Variants in SLC6A20 observed in about 807,000 individuals in gnomAD.
The protein encoded by SLC6A20 is solute carrier family 6 member 20, also known as sodium- and chloride-dependent transporter XTRP3.
Under a neutral mutation model 64.3 loss-of-function variants are expected in SLC6A20, and 73 were observed. The observed-to-expected ratio is 1.14, with a 90% confidence interval of 0.94 to 1.38. The LOEUF (loss-of-function observed/expected upper bound fraction) is 1.38, where lower values mean the gene tolerates loss of function less well. Among genes scored for constraint, SLC6A20 ranks in the 40% most tolerant of loss-of-function variants. The probability of loss-of-function intolerance (pLI) is 0.00; values close to 1 mark genes in which losing one functional copy is unlikely to be tolerated. For synonymous variants in SLC6A20, 347 were observed against 329.6 expected (o/e 1.05, Z -0.57); for missense variants, 725 against 772.8 (o/e 0.94, Z 0.73).
chr3:45,782,047 C>A (rs2125652212), intron 2 of SLC6A20, 36 bp downstream of exon 2: 1 of 1,557,240 alleles, frequency 6.4e-7, no homozygotes, highest in East Asian at 2.3e-5. Context: ...CTGCCCGGGT[C>A]TCTGGGTGGG....
chr3:45,783,385 T>A (rs572825273), intron 1 of SLC6A20, among the ~76,000 whole-genome samples: 2 of 152,342 alleles, frequency 1.3e-5, no homozygotes, highest in African/African-American at 4.8e-5. Context: ...ATCTAATATT[T>A]ACCAAAAATG....
intron 2 of SLC6A20, among the ~76,000 whole-genome samples, chr3:45,780,843 T>C (rs1700072686): frequency 6.6e-6 from 1 of 152,136 alleles, no homozygotes; most frequent in South Asian, 2.1e-4. Context: ...GCAAATGCTA[T>C]AAACCAGGGC....
chr3:45,758,314 G>T lies in SLC6A20; in HGVS notation c.*664C>A. ...AGGGATGTCTGCACAGACTTCTAAT[G>T]TGGTTTGGGGTTGCAAACTGTAGTT... On this transcript the variant is annotated 3_prime_UTR_variant, in exon 11 of 11. Transcript: ENST00000358525. 1 of 609,184 alleles carries T rather than the reference G, an allele frequency of 1.6e-6. No individual in the cohort carries two copies. Among genetic ancestry groups the T allele is most frequent in the Non-Finnish European group, 2.5e-6 (1 of 392,964 alleles). 37.7% of individuals were successfully genotyped at this position (609,184 alleles called of 1,614,324 possible).
At chr3:45,762,645 G>T (rs1234550708) in intron 9 of SLC6A20, among the ~76,000 whole-genome samples, 1 of 152,226 alleles carries the variant, frequency 6.6e-6, no homozygotes, top group Non-Finnish European at 1.5e-5. Flanking sequence ...TAAGCTGTGG[G>T]GGTCCAGCAG....
chr3:45,767,865 A>C (rs1699800721), intron 7 of SLC6A20, among the ~76,000 whole-genome samples: 1 of 152,266 alleles, frequency 6.6e-6, no homozygotes, highest in African/African-American at 2.4e-5. Context: ...CATGGCAAAC[A>C]TCTTCAAAGT....
At chr3:45,777,010 G>A (rs1474481692) in intron 3 of SLC6A20, among the ~76,000 whole-genome samples, 2 of 152,148 alleles carry the variant, frequency 1.3e-5, no homozygotes, top group Admixed American at 6.5e-5. Context: ...GGGAGGGGAG[G>A]AAAAGTTACT....
intron 1 of SLC6A20, among the ~76,000 whole-genome samples, chr3:45,783,060 C>T (rs900444054): frequency 3.9e-5 from 6 of 152,248 alleles, no homozygotes; most frequent in African/African-American, 1.2e-4. Context: ...CCTGATGGTG[C>T]TCCACATGAG....
rs1313582923 is a variant in SLC6A20, at chr3:45,771,129, G to A, written c.935+88C>T. The A allele has an allele frequency of 5.7e-6, 9 of 1,569,742 alleles. 1 individual carries two copies. In the African/African-American group the frequency reaches 6.8e-5, roughly 12 times the overall value. On this transcript the variant is annotated intron_variant, in intron 6 of 10. Transcript: ENST00000358525. ...GCCCTGGATTGAGGACTCCAAAACT[G>A]GTGCACTTTGCCCCAGCCCTTGCCC...
intron 7 of SLC6A20, among the ~76,000 whole-genome samples, chr3:45,766,749 T>C (rs567941409): frequency 7.9e-5 from 12 of 152,176 alleles, no homozygotes; most frequent in Non-Finnish European, 1.0e-4. Flanking sequence ...AGTGAGAAGA[T>C]AGGTGTTCAC....
intron 4 of SLC6A20, among the ~76,000 whole-genome samples, chr3:45,775,429 C>G (rs946997917): frequency 1.3e-5 from 2 of 152,024 alleles, no homozygotes; most frequent in African/African-American, 2.4e-5. Context: ...AGGATACATA[C>G]AATCTTAAAG....
chr3:45,792,086 G>C (rs1700262988), intron 1 of SLC6A20, among the ~76,000 whole-genome samples: 1 of 152,214 alleles, frequency 6.6e-6, no homozygotes. Context: ...GGTTAGAACA[G>C]AAGGGACAAG....
At chr3:45,769,591 A>C (rs1006792097) in intron 7 of SLC6A20, among the ~76,000 whole-genome samples, 10 of 151,934 alleles carry the variant, frequency 6.6e-5, no homozygotes, top group African/African-American at 2.4e-4. Context: ...CACATGTATT[A>C]TTATGGACAG....
intron 2 of SLC6A20, 52 bp downstream of exon 2, chr3:45,782,031 C>T: frequency 6.5e-7 from 1 of 1,528,686 alleles, no homozygotes. Context: ...CACCCACACC[C>T]CCATGCTGCC....
chr3:45,779,620 C>G (rs1700034705), intron 3 of SLC6A20, among the ~76,000 whole-genome samples: 1 of 152,156 alleles, frequency 6.6e-6, no homozygotes, highest in African/African-American at 2.4e-5. Context: ...CAGGCCGTTG[C>G]TGTCTTGCTG....
At chr3:45,788,014 C>T (rs752452876) in intron 1 of SLC6A20, among the ~76,000 whole-genome samples, 167 of 152,254 alleles carry the variant, frequency 1.1e-3, no homozygotes, top group Non-Finnish European at 1.7e-3. Flanking sequence ...GGTGCGATCA[C>T]GGCTCACTGC....
rs576768770 is a variant in SLC6A20 at position 45,782,218 on chromosome 3, A to T, written c.127T>A (p.Phe43Ile). ...AGCATGATGATGTAGGGGACCAGGA[A>T]ACTACCTGTGGATGTCCAGAGCTGA... ...YLCQMYGGGSFLVPYIIMLIV... is the reference protein window; with the variant it reads ...YLCQMYGGGSILVPYIIMLIV... The change falls in exon 2 of 11, where the codon TTC becomes ATC. Residue 43 changes from phenylalanine (F) to isoleucine (I), a missense_variant. Physicochemically the swap from Phe to Ile is conservative, Grantham distance 21. Coordinates refer to ENST00000358525, the MANE Select transcript of SLC6A20 (RefSeq NM_020208.4). The T allele has an allele frequency of 6.2e-7, 1 of 1,612,390 alleles. No homozygotes were observed. Among genetic ancestry groups the T allele is most frequent in the African/African-American group, 1.3e-5 (1 of 74,974 alleles).
chr3:45,786,272 C>A (rs1700168048), intron 1 of SLC6A20, among the ~76,000 whole-genome samples: 1 of 152,228 alleles, frequency 6.6e-6, no homozygotes, highest in African/African-American at 2.4e-5. Flanking sequence ...TTGCAATTTT[C>A]TTGACTGTCC....
chr3:45,759,815 G>T (rs1699632137), intron 10 of SLC6A20, 42 bp downstream of exon 10: 2 of 1,572,598 alleles, frequency 1.3e-6, no homozygotes, highest in Middle Eastern at 1.7e-4. Flanking sequence ...CTTTTCAGTG[G>T]CCATGGGGGC....
At chr3:45,782,621 T>TTCCATCCATCCATCCATCCATCCA in intron 1 of SLC6A20, among the ~76,000 whole-genome samples, 1 of 144,668 alleles carries the variant, frequency 6.9e-6, no homozygotes, top group South Asian at 2.3e-4. Context: ...ATTTCCATAT[T>TTCCATCCATCCATCCATCCATCCA]TCCATCCATC....
Sources: gnomAD v4.1 joint callset for allele counts (sites outside exome capture counted in the v4.1 genomes callset) on GRCh38, gnomAD v4.1.1 for gene constraint, MANE v1.5 for transcripts, NCBI Gene and HGNC (gene_info 2026-07-23, HGNC 2026-07-21) for gene names.